Variants in MCF2L observed in about 807,000 individuals in gnomAD.
MCF2L encodes the protein guanine nucleotide exchange factor DBS.
MCF2L carries 97 observed loss-of-function variants against 153.4 expected under a neutral mutation model. That is an observed-to-expected ratio of 0.63 (90% CI 0.54 to 0.75). The LOEUF is 0.75. Ranked by LOEUF, MCF2L falls within the 30% of genes least tolerant of loss-of-function variation. MCF2L has a pLI of 0.00. For missense variants in MCF2L, 1,347 were observed against 1,495.2 expected (o/e 0.90, Z 1.64); for synonymous variants, 659 against 632.2 (o/e 1.04, Z -0.64).
chr13:112,916,682 G>T (rs1481604792), intron 2 of MCF2L, among the ~76,000 whole-genome samples: 2 of 152,156 alleles, frequency 1.3e-5, no homozygotes, highest in African/African-American at 4.8e-5. Flanking sequence ...CCGGGCAGAC[G>T]GTGTTGATCC....
chr13:113,065,951 C>A, intron 7 of MCF2L, 95 bp from the exon 8 acceptor site: 2 of 1,355,090 alleles, frequency 1.5e-6, no homozygotes, highest in African/African-American at 1.4e-5. Flanking sequence ...CCTCAGTCCC[C>A]GCCCCCTCAA....
chr13:113,018,088 C>T (rs1030724825), intron 2 of MCF2L, among the ~76,000 whole-genome samples: 2 of 152,180 alleles, frequency 1.3e-5, no homozygotes, highest in African/African-American at 2.4e-5. Flanking sequence ...ACAGGTGCCA[C>T]GCAGAACCCT....
At chr13:113,019,385 C>G (rs183554207) in intron 2 of MCF2L, among the ~76,000 whole-genome samples, 1 of 152,222 alleles carries the variant, frequency 6.6e-6, no homozygotes, top group African/African-American at 2.4e-5. Flanking sequence ...AGGACCGATC[C>G]GATCCTGCGC....
At chr13:113,036,451 C>G (rs558389288) in intron 3 of MCF2L, among the ~76,000 whole-genome samples, 2 of 152,192 alleles carry the variant, frequency 1.3e-5, no homozygotes, top group South Asian at 4.1e-4. Context: ...GCTTTTCCTA[C>G]GAGCTTTGCG....
intron 1 of MCF2L, chr13:112,979,772 G>A: frequency 6.2e-7 from 1 of 1,607,210 alleles, no homozygotes; most frequent in Non-Finnish European, 8.5e-7. Flanking sequence ...AGATACAATG[G>A]GGTCGCAGGG....
chr13:112,994,727 T>A (rs1451308076), intron 1 of MCF2L, among the ~76,000 whole-genome samples: 1 of 152,172 alleles, frequency 6.6e-6, no homozygotes, highest in Admixed American at 6.5e-5. Flanking sequence ...GCACAGGCTC[T>A]CCTGCCTGGG....
At chr13:112,969,185 G>C, upstream of MCF2L, 1 of 811,264 alleles carries the variant, frequency 1.2e-6, no homozygotes, top group Non-Finnish European at 1.6e-6. The surrounding 1 kb of genome is among the most constrained non-coding windows in gnomAD (Gnocchi z 4.8). Context: ...CGCCCCCCGC[G>C]GCGCAGCGCG....
intron 1 of MCF2L, among the ~76,000 whole-genome samples, chr13:113,004,353 A>G (rs1048792119): frequency 3.9e-5 from 6 of 152,206 alleles, no homozygotes; most frequent in Non-Finnish European, 5.9e-5. Context: ...TCCCACCTGC[A>G]CAGCATCCTG....
At chr13:113,083,036 G>C (rs2034299323) in intron 17 of MCF2L, among the ~76,000 whole-genome samples, 1 of 152,210 alleles carries the variant, frequency 6.6e-6, no homozygotes, top group Admixed American at 6.5e-5. Flanking sequence ...TGTCCCCCGA[G>C]CGACCCGTGG....
chr13:113,096,374 C>G lies in MCF2L; in HGVS notation c.3079C>G (p.Pro1027Ala), dbSNP rs1332287687. Reference sequence around the variant, plus strand: ...GCCCCTGCCCGTCTCCCACCAGGTTCCAGGTAAATACACGGTCGTGGCGGA... The same window carrying G: ...GCCCCTGCCCGTCTCCCACCAGGTTGCAGGTAAATACACGGTCGTGGCGGA... ...DGGLGPKKLV[P>A]GKYTVVADHE... Residue 1027 changes from proline to alanine, a missense_variant, in exon 28 of 30, where the codon CCA becomes GCA. Transcript: ENST00000535094. 3 of 1,574,874 alleles carry G rather than the reference C, an allele frequency of 1.9e-6. No individual in the cohort carries two copies. Among genetic ancestry groups the G allele is most frequent in the South Asian group, 1.2e-5 (1 of 85,796 alleles).
At position 113,086,094 on chromosome 13, in the gene MCF2L, G is replaced by A. The variant is rs913074972; in HGVS notation, c.2248-30G>A. The A allele has an allele frequency of 2.0e-5, 31 of 1,587,898 alleles. No individual in the cohort carries two copies. The East Asian group carries it at 2.1e-4, about 11-fold the overall frequency. Reference sequence around the variant, plus strand: ...GGGGAGCCAGGGCTCTCCGTGTCCCGACGCGGTTGCCTCACCCCATGCCCC... The same window carrying A: ...GGGGAGCCAGGGCTCTCCGTGTCCCAACGCGGTTGCCTCACCCCATGCCCC... On this transcript the variant is annotated intron_variant, in intron 20 of 29. Transcript: ENST00000535094.
rs1395160420 is a variant in MCF2L, at chr13:113,089,728, G to C, written c.2953G>C (p.Gly985Arg). The C allele has an allele frequency of 6.2e-7, 1 of 1,613,148 alleles. No individual in the cohort carries two copies. The highest frequency in any genetic ancestry group is 8.5e-7 in the Non-Finnish European group (1 of 1,179,538). ...PLTKPPEKGK[G>R]WSKTSHSLEA... ...GACAAAGCCCCCCGAAAAGGGCAAA[G>C]GTGGGTATGTGCAGGGACCGGGCCT... Residue 985 changes from glycine to arginine, a missense_variant and splice_region_variant, in exon 26 of 30, where the codon GGT becomes CGT. Gly to Arg is a moderately radical substitution (Grantham distance 125). This residue lies in a region of MCF2L where 383 missense variants were observed against 335.4 expected (regional missense o/e 1.14). Transcript: ENST00000535094.
chr13:113,034,646 C>A (rs974001342), intron 3 of MCF2L, among the ~76,000 whole-genome samples: 1 of 150,828 alleles, frequency 6.6e-6, no homozygotes, highest in Non-Finnish European at 1.5e-5. Context: ...CCCACGCCCT[C>A]GCCCTTGCCC....
intron 17 of MCF2L, among the ~76,000 whole-genome samples, chr13:113,083,284 C>T (rs900738977): frequency 2.6e-5 from 4 of 152,186 alleles, no homozygotes; most frequent in Admixed American, 2.0e-4. Context: ...ATGGGAATCG[C>T]CAGTGCTTGG....
Position 113,097,187 on chromosome 13 carries a change from T to G in MCF2L, c.*328T>G. 1 of 248,964 alleles carries G rather than the reference T, an allele frequency of 4.0e-6. No homozygotes were observed. The allele number at this position is 248,964 out of a possible 1,614,324, so 15.4% of individuals were successfully genotyped here. On this transcript the variant is annotated 3_prime_UTR_variant, in exon 30 of 30. Transcript: ENST00000535094. ...GTGCTTTCAGGGGACGCGCGGACCG[T>G]GGTGGAGCTGCTTCCGGAGAAGTGG...
At chr13:113,017,257 C>T (rs2084589476) in intron 2 of MCF2L, among the ~76,000 whole-genome samples, 1 of 152,338 alleles carries the variant, frequency 6.6e-6, no homozygotes, top group South Asian at 2.1e-4. Flanking sequence ...CACTGGGGGA[C>T]CGAAACAACT....
chr13:113,034,347 G>A (rs2085997390), intron 3 of MCF2L, among the ~76,000 whole-genome samples: 1 of 152,130 alleles, frequency 6.6e-6, no homozygotes, highest in African/African-American at 2.4e-5. Flanking sequence ...ATGTTGCCCA[G>A]GTTGGTCTTG....
Position 113,066,207 on chromosome 13 carries a change from C to A in MCF2L, c.881+37C>A, listed in dbSNP as rs1306025400. ...CTGCCTTCCTGCCCTCATCCTGTCC[C>A]AGTCCATGGCAGGATCCTCTCAGGC... On this transcript the variant is annotated intron_variant, in intron 8 of 29. Transcript: ENST00000535094. The A allele has an allele frequency of 3.9e-6, 6 of 1,556,508 alleles. No homozygotes were observed. The South Asian group carries it at 7.0e-5, about 18-fold the overall frequency.
rs1379655020 is a variant in MCF2L at position 113,099,079 on chromosome 13, A to C, written c.*2220A>C. 6.6e-6 allele frequency: 1 copy of C among 152,216 alleles called. No homozygotes were observed. Among genetic ancestry groups the C allele is most frequent in the African/African-American group, 2.4e-5 (1 of 41,440 alleles). 9.4% of individuals were successfully genotyped at this position (152,216 alleles called of 1,614,324 possible). Reference sequence around the variant, plus strand: ...GATTGGAGATTTAAAATAAAAGAAGACAGAACAGACAAACACCATAAGAAA... The same window carrying C: ...GATTGGAGATTTAAAATAAAAGAAGCCAGAACAGACAAACACCATAAGAAA... On this transcript the variant is annotated 3_prime_UTR_variant, in exon 30 of 30. Coordinates refer to ENST00000535094, the MANE Select transcript of MCF2L (RefSeq NM_001112732.3).
Sources: allele counts gnomAD v4.1 joint callset (sites outside exome capture counted in the v4.1 genomes callset), GRCh38; gene constraint gnomAD v4.1.1; regional missense constraint gnomAD v4.1.1; non-coding constraint Gnocchi (gnomAD v3.1); transcripts MANE v1.5; gene names NCBI Gene and HGNC (gene_info 2026-07-23, HGNC 2026-07-21).